The following WWOX variants were observed in gnomAD, a reference collection of about 807,000 sequenced individuals.
WWOX encodes WW domain containing oxidoreductase.
Under a neutral mutation model 46.2 loss-of-function variants are expected in WWOX, and 69 were observed. The observed-to-expected ratio is 1.49, with a 90% CI of 1.23 to 1.82. The LOEUF is 1.82. Ranked by LOEUF, WWOX falls within the 40% of genes most tolerant of loss-of-function variation. WWOX has a pLI of 0.00. For synonymous variants in WWOX, 359 were observed against 202.6 expected (o/e 1.77, Z -6.56); for missense variants, 919 against 542.6 (o/e 1.69, Z -6.89).
chr16:78,681,373 C>G (rs1256588379), intron 8 of WWOX, among the ~76,000 whole-genome samples: 1 of 152,172 alleles, frequency 6.6e-6, no homozygotes, highest in Admixed American at 6.5e-5. Context: ...CACTATACAT[C>G]AGTCTGGGTG....
intron 8 of WWOX, among the ~76,000 whole-genome samples, chr16:78,992,476 A>G (rs1252694859): frequency 3.9e-5 from 6 of 152,168 alleles, no homozygotes; most frequent in Non-Finnish European, 8.8e-5. Flanking sequence ...CAAAAAAACA[A>G]AACAAAACAA....
At chr16:78,763,336 A>G (rs1349238111) in intron 8 of WWOX, among the ~76,000 whole-genome samples, 1 of 152,150 alleles carries the variant, frequency 6.6e-6, no homozygotes, top group East Asian at 1.9e-4. Context: ...TTCTTCTTCG[A>G]CCCTCACATG....
chr16:78,639,185 C>G (rs998228151), intron 8 of WWOX, among the ~76,000 whole-genome samples: 2 of 152,160 alleles, frequency 1.3e-5, no homozygotes, highest in Non-Finnish European at 2.9e-5. Flanking sequence ...AGACTTGACT[C>G]CCAGGATGTA....
chr16:78,601,607 A>C (rs2045625106), intron 8 of WWOX, among the ~76,000 whole-genome samples: 2 of 152,218 alleles, frequency 1.3e-5, no homozygotes, highest in African/African-American at 4.8e-5. Flanking sequence ...GTGGTGTAAA[A>C]TATATACTTT....
At chr16:78,233,877 A>G (rs2037351867) in intron 5 of WWOX, among the ~76,000 whole-genome samples, 1 of 152,136 alleles carries the variant, frequency 6.6e-6, no homozygotes, top group Non-Finnish European at 1.5e-5. Context: ...TCTCACTAAA[A>G]TATGCCAATA....
chr16:79,083,935 T>C (rs2048808045), intron 8 of WWOX, among the ~76,000 whole-genome samples: 1 of 152,236 alleles, frequency 6.6e-6, no homozygotes, highest in Admixed American at 6.5e-5. Flanking sequence ...GAGGTCGTGC[T>C]TTGCATTTTC....
intron 8 of WWOX, among the ~76,000 whole-genome samples, chr16:79,197,181 G>A (rs996128507): frequency 6.6e-6 from 1 of 152,144 alleles, no homozygotes; most frequent in Non-Finnish European, 1.5e-5. Flanking sequence ...GGTACCCTAA[G>A]CTGGTTTGGG....
At chr16:78,238,764 CAT>C (rs1237612040) in intron 5 of WWOX, among the ~76,000 whole-genome samples, 2 of 151,920 alleles carry the variant, frequency 1.3e-5, no homozygotes, top group East Asian at 3.9e-4. Context: ...GGATTACAGA[CAT>C]GTGCCACCAC....
intron 8 of WWOX, among the ~76,000 whole-genome samples, chr16:79,020,202 A>G (rs1048034640): frequency 6.6e-5 from 10 of 152,226 alleles, no homozygotes; most frequent in Non-Finnish European, 7.3e-5. Flanking sequence ...CAATTATAAT[A>G]AAGCAACTTA....
chr16:78,919,731 G>C (rs553665861), intron 8 of WWOX, among the ~76,000 whole-genome samples: 1 of 151,930 alleles, frequency 6.6e-6, no homozygotes, highest in Non-Finnish European at 1.5e-5. Flanking sequence ...TGGCCCAGCT[G>C]GTCTCGAACT....
chr16:78,711,915 A>C (rs778397416), intron 8 of WWOX, among the ~76,000 whole-genome samples: 11 of 152,148 alleles, frequency 7.2e-5, no homozygotes, highest in Admixed American at 6.5e-5. Context: ...AATTCAGAAC[A>C]AAGCTCTCTT....
intron 8 of WWOX, among the ~76,000 whole-genome samples, chr16:78,817,027 T>C (rs191314159): frequency 5.1e-4 from 78 of 152,256 alleles, no homozygotes; most frequent in Admixed American, 3.0e-3. Flanking sequence ...ACCAACTGTT[T>C]TTGATCCCAC....
At chr16:78,231,572 T>C (rs1027664277) in intron 5 of WWOX, among the ~76,000 whole-genome samples, 1 of 152,226 alleles carries the variant, frequency 6.6e-6, no homozygotes, top group African/African-American at 2.4e-5. Flanking sequence ...ATGCTTAAAT[T>C]CAGTTTCTTT....
chr16:78,339,821 C>G lies in WWOX; in HGVS notation c.517-47039C>G, dbSNP rs79770678. On this transcript the variant is annotated intron_variant, in intron 5 of 8. Transcript: ENST00000566780. ...TTCTCTTTCATTTCTATCTGCTTCTCTCTTGGGAGTACAATGGGAGGCATA... is the reference window on the plus strand; with the variant it reads ...TTCTCTTTCATTTCTATCTGCTTCTGTCTTGGGAGTACAATGGGAGGCATA... 5.1e-5 allele frequency among the ~76,000 whole-genome samples: 6 copies of G among 117,562 alleles called. No homozygotes were observed. In the East Asian group the frequency reaches 9.7e-4, roughly 19 times the overall value. The allele number at this position is 117,562 out of a possible 152,430, so 77.1% of individuals were successfully genotyped here.
chr16:78,671,762 T>A (rs2047470555), intron 8 of WWOX, among the ~76,000 whole-genome samples: 1 of 152,194 alleles, frequency 6.6e-6, no homozygotes, highest in Non-Finnish European at 1.5e-5. Flanking sequence ...AGAACATAAG[T>A]ATATTTAAGA....
At chr16:78,607,975 T>C (rs1372662949) in intron 8 of WWOX, among the ~76,000 whole-genome samples, 1 of 152,158 alleles carries the variant, frequency 6.6e-6, no homozygotes, top group Admixed American at 6.5e-5. Context: ...TCTATCAAAG[T>C]ATAATTAAAT....
Position 78,751,461 on chromosome 16 carries a change from T to TATATATATTTATCAGATTATA in WWOX, c.1056+318709_1056+318710insATATATATTTATCAGATTATA, listed in dbSNP as rs1555528822. ...AGATTATATATATATTTATCAGATT[T>TATATATATTTATCAGATTATA]TATATATATATATATATATATATAT... On this transcript the variant is annotated intron_variant, in intron 8 of 8. Coordinates refer to ENST00000566780, the MANE Select transcript of WWOX (RefSeq NM_016373.4). Among the ~76,000 whole-genome samples, 362 of 128,414 alleles carry TATATATATTTATCAGATTATA rather than the reference T, an allele frequency of 2.8e-3. 4 individuals carry two copies. Among genetic ancestry groups the TATATATATTTATCAGATTATA allele is most frequent in the African/African-American group, 9.9e-3 (330 of 33,432 alleles). The allele number at this position is 128,414 out of a possible 152,430, so 84.2% of individuals were successfully genotyped here.
At chr16:78,884,947 C>G (rs1332237834) in intron 8 of WWOX, among the ~76,000 whole-genome samples, 1 of 152,072 alleles carries the variant, frequency 6.6e-6, no homozygotes, top group Non-Finnish European at 1.5e-5. Context: ...TTCATGTTAC[C>G]CAGTCATTAA....
chr16:79,011,724 C>T (rs12445407), intron 8 of WWOX, among the ~76,000 whole-genome samples: 2 of 151,928 alleles, frequency 1.3e-5, no homozygotes, highest in African/African-American at 4.8e-5. Context: ...AACTCCTGGG[C>T]TCAAGCTATT....
Sources: allele counts gnomAD v4.1 joint callset (sites outside exome capture counted in the v4.1 genomes callset), GRCh38; gene constraint gnomAD v4.1.1; transcripts MANE v1.5; gene names NCBI Gene and HGNC (gene_info 2026-07-23, HGNC 2026-07-21).